GTF3C2: variants seen among roughly 807,000 people sequenced by gnomAD.
GTF3C2 encodes the protein general transcription factor IIIC subunit 2.
GTF3C2 carries 17 observed loss-of-function variants against 117.4 expected under a neutral mutation model. That is an observed-to-expected ratio of 0.14 (90% CI 0.10 to 0.22). The LOEUF is 0.22. Among genes scored for constraint, GTF3C2 ranks in the 10% least tolerant of loss-of-function variants. GTF3C2 has a pLI of 1.00. For missense variants in GTF3C2, 888 were observed against 1,143.6 expected (o/e 0.78, Z 3.22); for synonymous variants, 437 against 427.0 (o/e 1.02, Z -0.29).
chr2:27,335,328 T>A (rs1390222614), intron 10 of GTF3C2: 1 of 590,704 alleles, frequency 1.7e-6, no homozygotes, highest in Admixed American at 2.2e-5. Flanking sequence ...GCCAGTTACC[T>A]GTGGCAGCAA....
intron 4 of GTF3C2, chr2:27,341,728 G>A: frequency 3.6e-6 from 2 of 555,854 alleles, no homozygotes; most frequent in Non-Finnish European, 6.4e-6. Context: ...TCCTAACAGA[G>A]AACAGATACT....
intron 1 of GTF3C2, among the ~76,000 whole-genome samples, chr2:27,353,516 G>A (rs1026084266): frequency 2.0e-5 from 3 of 151,652 alleles, no homozygotes; most frequent in South Asian, 2.1e-4. Context: ...TCTGCTCACC[G>A]CTGCCTCCGC....
chr2:27,343,274 G>A (rs746227246), intron 2 of GTF3C2, 34 bp downstream of exon 2: 3 of 1,599,586 alleles, frequency 1.9e-6, no homozygotes, highest in Non-Finnish European at 2.6e-6. Flanking sequence ...AGCTTGGCAT[G>A]GGGAATAAAA....
At chr2:27,333,017 T>C (rs1680332605) in intron 12 of GTF3C2, among the ~76,000 whole-genome samples, 1 of 151,600 alleles carries the variant, frequency 6.6e-6, no homozygotes, top group African/African-American at 2.4e-5. Context: ...CCCGGCAAAA[T>C]TTTATTATTT....
chr2:27,353,981 C>T (rs1367365293), intron 1 of GTF3C2, among the ~76,000 whole-genome samples: 1 of 150,846 alleles, frequency 6.6e-6, no homozygotes, highest in Non-Finnish European at 1.5e-5. Flanking sequence ...GCTTCAACTT[C>T]CAAAGTGCTA....
At chr2:27,341,270 G>C (rs1179933805) in intron 4 of GTF3C2, among the ~76,000 whole-genome samples, 1 of 149,902 alleles carries the variant, frequency 6.7e-6, no homozygotes, top group African/African-American at 2.5e-5. Context: ...TCCTGACCTC[G>C]GGTGATCCAC....
intron 16 of GTF3C2, 134 bp downstream of exon 16, chr2:27,328,334 T>C: frequency 9.5e-7 from 1 of 1,053,570 alleles, no homozygotes; most frequent in Non-Finnish European, 1.4e-6. Context: ...TAGGGAAGAT[T>C]ATATACAACT....
intron 1 of GTF3C2, among the ~76,000 whole-genome samples, chr2:27,353,190 C>A (rs1215416569): frequency 1.3e-5 from 2 of 151,994 alleles, no homozygotes; most frequent in East Asian, 1.9e-4. Context: ...GTCAGGAGAT[C>A]GAGACCATCC....
intron 12 of GTF3C2, among the ~76,000 whole-genome samples, chr2:27,331,171 T>C (rs1038098141): frequency 1.4e-4 from 21 of 152,140 alleles, no homozygotes; most frequent in African/African-American, 4.8e-4. Context: ...AGTTTAGGAA[T>C]TAAGAAAGCA....
At chr2:27,342,869 C>G in exon 3 of GTF3C2, 1 of 1,614,162 alleles carries the variant, frequency 6.2e-7, no homozygotes, top group Non-Finnish European at 8.5e-7. Flanking sequence ...GAAGGGGTCT[C>G]AAAGTCCTCA....
chr2:27,333,530 TA>T, intron 12 of GTF3C2, 124 bp downstream of exon 12: 3 of 628,454 alleles, frequency 4.8e-6, no homozygotes, highest in East Asian at 2.8e-5. Flanking sequence ...TTTTTTTTTT[TA>T]CATTGCTTGA....
intron 17 of GTF3C2, 146 bp downstream of exon 17, chr2:27,327,891 G>C: frequency 1.7e-6 from 1 of 604,080 alleles, no homozygotes; most frequent in Non-Finnish European, 2.8e-6. Flanking sequence ...CCCCCAAACT[G>C]CTGGGATTAC....
intron 12 of GTF3C2, 144 bp downstream of exon 12, chr2:27,333,511 C>A: frequency 1.6e-6 from 1 of 612,394 alleles, no homozygotes; most frequent in East Asian, 2.8e-5. Flanking sequence ...TGACTTATTT[C>A]TTTCTATTTT....
chr2:27,328,619 A>C (rs1184002832), intron 15 of GTF3C2, 23 bp from the exon 16 acceptor site: 1 of 1,592,746 alleles, frequency 6.3e-7, no homozygotes, highest in Non-Finnish European at 8.6e-7. Flanking sequence ...GACAGATTTC[A>C]TTCATTCATA....
chr2:27,338,168 T>G (rs995563417), intron 4 of GTF3C2, 148 bp from the exon 5 acceptor site: 2 of 652,498 alleles, frequency 3.1e-6, no homozygotes, highest in Non-Finnish European at 5.5e-6. Flanking sequence ...GATTTGTGTT[T>G]CAACCACTAT....
At chr2:27,341,192 T>C (rs1680717709) in intron 4 of GTF3C2, among the ~76,000 whole-genome samples, 2 of 152,016 alleles carry the variant, frequency 1.3e-5, no homozygotes, top group Non-Finnish European at 2.9e-5. Context: ...CGTGCCACCA[T>C]GCCTGGCTAA....
At chr2:27,345,467 C>A (rs1572579579) in intron 1 of GTF3C2, among the ~76,000 whole-genome samples, 1 of 151,754 alleles carries the variant, frequency 6.6e-6, no homozygotes, top group East Asian at 2.0e-4. Flanking sequence ...GTGGCAGGCG[C>A]CTGTAATCCC....
At chr2:27,349,730 C>G (rs920054495) in intron 1 of GTF3C2, among the ~76,000 whole-genome samples, 4 of 152,024 alleles carry the variant, frequency 2.6e-5, no homozygotes, top group Admixed American at 2.6e-4. Flanking sequence ...CCTCTGCCTC[C>G]TGGGTTCAAG....
At chr2:27,330,137 TCTCAAAA>T (rs1680226726) in intron 12 of GTF3C2, among the ~76,000 whole-genome samples, 5 of 92,530 alleles carry the variant, frequency 5.4e-5, no homozygotes, top group Admixed American at 2.6e-4. Flanking sequence ...GCAGACTCCG[TCTCAAAA>T]AAAAAAAAAA....
Sources: allele counts gnomAD v4.1 joint callset (sites outside exome capture counted in the v4.1 genomes callset), GRCh38; gene constraint gnomAD v4.1.1; transcripts MANE v1.5; gene names NCBI Gene and HGNC (gene_info 2026-07-23, HGNC 2026-07-21).